The following PARD3 variants were observed in gnomAD, a reference collection of about 807,000 sequenced individuals.
PARD3 encodes par-3 family cell polarity regulator.
PARD3 carries 75 observed loss-of-function variants against 155.4 expected under a neutral mutation model. The ratio of observed to expected loss-of-function variants is 0.48; its 90% CI spans 0.40 to 0.58. The LOEUF is 0.58. Ranked by LOEUF, PARD3 falls within the 20% of genes least tolerant of loss-of-function variation. PARD3 has a pLI of 0.00. For missense variants in PARD3, 1,642 were observed against 1,721.7 expected, an observed-to-expected ratio of 0.95 and a Z score of 0.82; for synonymous variants, 576 against 610.5, an observed-to-expected ratio of 0.94 and a Z score of 0.83.
chr10:34,392,890 A>G (rs1842974005), intron 7 of PARD3, among the ~76,000 whole-genome samples: 1 of 152,182 alleles, frequency 6.6e-6, no homozygotes, highest in South Asian at 2.1e-4. Flanking sequence ...TAAAACCATC[A>G]TGGCAGCCAT....
intron 2 of PARD3, among the ~76,000 whole-genome samples, chr10:34,601,589 C>A (rs966692660): frequency 3.3e-5 from 5 of 152,156 alleles, no homozygotes; most frequent in Non-Finnish European, 1.5e-5. Flanking sequence ...CGGCCCACCC[C>A]ACAGGTATCG....
At chr10:34,681,757 TATATATATATA>T (rs1263125024) in intron 2 of PARD3, among the ~76,000 whole-genome samples, 13 of 20,902 alleles carry the variant, frequency 6.2e-4, no homozygotes, top group African/African-American at 3.4e-3. Flanking sequence ...TATATATATA[TATATATATATA>T]TTTTTTTTTT....
intron 22 of PARD3, among the ~76,000 whole-genome samples, chr10:34,258,398 G>C (rs1029925318): frequency 5.9e-5 from 9 of 152,124 alleles, no homozygotes; most frequent in Non-Finnish European, 1.2e-4. Flanking sequence ...CTGTTATCGG[G>C]GGGAGCAGGC....
intron 5 of PARD3, 131 bp from the exon 6 acceptor site, chr10:34,402,048 A>T: frequency 1.3e-6 from 1 of 744,562 alleles, no homozygotes; most frequent in Non-Finnish European, 2.4e-6. Flanking sequence ...AAGAAGGATG[A>T]CCTTTAATGA....
At chr10:34,283,966 T>A (rs570651130) in intron 21 of PARD3, among the ~76,000 whole-genome samples, 169 bp downstream of exon 21, 10 of 151,606 alleles carry the variant, frequency 6.6e-5, no homozygotes, top group Admixed American at 2.0e-4. Context: ...TTTTTTTTTT[T>A]AAATCTCTCT....
At chr10:34,423,766 G>A (rs964628783) in intron 5 of PARD3, among the ~76,000 whole-genome samples, 2 of 152,106 alleles carry the variant, frequency 1.3e-5, no homozygotes, top group African/African-American at 4.8e-5. Context: ...GTTTTTAAGA[G>A]AACCAGAGTT....
chr10:34,303,065 GT>G (rs753052907), intron 20 of PARD3, among the ~76,000 whole-genome samples: 2,031 of 69,664 alleles, frequency 0.029, 38 homozygotes, highest in African/African-American at 0.16. Flanking sequence ...CCAAAACCAA[GT>G]TTTAAAAAAA....
intron 22 of PARD3, among the ~76,000 whole-genome samples, chr10:34,259,126 CAG>C (rs1954817511): frequency 6.6e-6 from 1 of 151,768 alleles, no homozygotes; most frequent in African/African-American, 2.4e-5. Flanking sequence ...ACAAAGAGAA[CAG>C]AGTTTCAGGA....
chr10:34,656,796 G>A (rs554455796), intron 2 of PARD3, among the ~76,000 whole-genome samples: 2 of 152,188 alleles, frequency 1.3e-5, no homozygotes, highest in Non-Finnish European at 2.9e-5. Context: ...GTCAGAAACC[G>A]ACAGGGGCAA....
chr10:34,688,983 T>C (rs919345510), intron 2 of PARD3, among the ~76,000 whole-genome samples: 3 of 152,160 alleles, frequency 2.0e-5, no homozygotes, highest in Non-Finnish European at 2.9e-5. Context: ...TGAGCCTAAA[T>C]AGCAGCAGGA....
Position 34,377,996 on chromosome 10 carries a change from G to A in PARD3, c.1510C>T (p.Arg504Ter), listed in dbSNP as rs776637341. 3 of 1,585,428 alleles carry A rather than the reference G, an allele frequency of 1.9e-6. No homozygotes were observed. The highest frequency in any genetic ancestry group is 1.2e-5 in the South Asian group (1 of 86,606). Reference protein sequence around the residue: ...LPRGAAIQDGRLKAGDRLIEV... With the variant: ...LPRGAAIQDG ...ATAAGTCTGTCTCCTGCCTTAAGTC[G>A]GCCATCCTGAATGGCCGCCCCCCGG... The change falls in exon 10 of 25, where the codon CGA becomes TGA. Residue 504 changes from arginine to a stop codon, truncating the protein, a stop_gained. Transcript: ENST00000374788. LOFTEE classifies it high-confidence loss of function.
In PARD3 at chr10:34,276,425, TCCAGGCTCTTGTCACAGTGTTCACCA is replaced by T. The variant is rs553316531; in HGVS notation, c.3177-6552_3177-6527del. ...CTTGACATCAATTAATGATTTTAAT[TCCAGGCTCTTGTCACAGTGTTCACCA>T]CCTTTTCTCTAATTAAAATGGATGA... On this transcript the variant is annotated intron_variant, in intron 21 of 24. Transcript: ENST00000374788. Among the ~76,000 whole-genome samples, 622 of 152,266 alleles carry T rather than the reference TCCAGGCTCTTGTCACAGTGTTCACCA, an allele frequency of 4.1e-3. 1 individual carries two copies. The highest frequency in any genetic ancestry group is 7.4e-3 in the Non-Finnish European group (502 of 68,008).
chr10:34,191,667 G>A (rs1477589238), intron 22 of PARD3, among the ~76,000 whole-genome samples: 1 of 151,858 alleles, frequency 6.6e-6, no homozygotes, highest in Non-Finnish European at 1.5e-5. Context: ...GGTGAAGATG[G>A]GGTCTGGGAG....
In PARD3 at chr10:34,517,249, C is replaced by CA. The variant is rs34928655; in HGVS notation, c.223-91dup. The CA allele has an allele frequency of 3.5e-6, 4 of 1,132,404 alleles. No individual in the cohort carries two copies. The East Asian group carries it at 1.0e-4, about 29-fold the overall frequency. 70.1% of individuals were successfully genotyped at this position (1,132,404 alleles called of 1,614,324 possible). A position where few individuals can be genotyped will look rare whatever the true frequency, so the allele number is the denominator to read the frequency against. ...ACTATTTTGACATAATTCTACAGTG[C>CA]AAAAATACTGATATAAATGACCCTA... On this transcript the variant is annotated intron_variant, in intron 2 of 24. Transcript: ENST00000374788.
Position 34,371,674 on chromosome 10 carries a change from G to A in PARD3, c.1707+824C>T, listed in dbSNP as rs141910109. On this transcript the variant is annotated intron_variant, in intron 12 of 24. Transcript: ENST00000374788. ...AACAATGTAAAAATTTTTGGAAAGGGACATATTGACATTACCTACTATGGA... is the reference window on the plus strand; with the variant it reads ...AACAATGTAAAAATTTTTGGAAAGGAACATATTGACATTACCTACTATGGA... Among the ~76,000 whole-genome samples, 6 of 151,756 alleles carry A rather than the reference G, an allele frequency of 4.0e-5. No individual in the cohort carries two copies. The East Asian group carries it at 1.2e-3, about 29-fold the overall frequency.
At chr10:34,480,405 A>G (rs182469860) in intron 3 of PARD3, among the ~76,000 whole-genome samples, 4 of 152,142 alleles carry the variant, frequency 2.6e-5, no homozygotes, top group African/African-American at 9.6e-5. Flanking sequence ...CGGTTAATTA[A>G]TTTTTTATTT....
intron 3 of PARD3, among the ~76,000 whole-genome samples, chr10:34,480,396 G>A (rs191281856): frequency 3.3e-5 from 5 of 152,208 alleles, no homozygotes; most frequent in Admixed American, 1.3e-4. Context: ...CACTACTCCC[G>A]GTTAATTAAT....
intron 2 of PARD3, among the ~76,000 whole-genome samples, chr10:34,556,121 T>C (rs193198409): frequency 2.0e-5 from 3 of 152,298 alleles, no homozygotes; most frequent in Non-Finnish European, 2.9e-5. Flanking sequence ...AAAGCAGAAA[T>C]CAGAGACTGA....
chr10:34,643,186 G>A (rs1028523212), intron 2 of PARD3, among the ~76,000 whole-genome samples: 2 of 152,258 alleles, frequency 1.3e-5, no homozygotes, highest in African/African-American at 4.8e-5. Context: ...GCTGGCTGGA[G>A]GGACAGAAGG....
Sources: allele counts gnomAD v4.1 joint callset (sites outside exome capture counted in the v4.1 genomes callset), GRCh38; gene constraint gnomAD v4.1.1; transcripts MANE v1.5; gene names NCBI Gene and HGNC (gene_info 2026-07-23, HGNC 2026-07-21).